DPP10: variants seen among roughly 807,000 people sequenced by gnomAD.
The protein encoded by DPP10 is dipeptidyl peptidase like 10, also known as inactive dipeptidyl peptidase 10.
A neutral mutation model predicts 120.9 loss-of-function variants in DPP10; 33 were observed. The ratio of observed to expected loss-of-function variants is 0.27; its 90% CI spans 0.21 to 0.37. The LOEUF is 0.37. Among genes scored for constraint, DPP10 ranks in the 10% least tolerant of loss-of-function variants. The pLI is 1.00. For missense variants in DPP10, 816 were observed against 942.8 expected (o/e 0.87, Z 1.76); for synonymous variants, 337 against 326.1 (o/e 1.03, Z -0.36).
chr2:115,158,120 A>G (rs776966246), intron 1 of DPP10, among the ~76,000 whole-genome samples: 4 of 152,204 alleles, frequency 2.6e-5, no homozygotes, highest in Admixed American at 6.5e-5. Flanking sequence ...GGTTGTTTTT[A>G]GAGTAAATTT....
chr2:115,453,942 A>G (rs945445556), intron 3 of DPP10, among the ~76,000 whole-genome samples: 34 of 151,438 alleles, frequency 2.2e-4, no homozygotes, highest in Non-Finnish European at 3.8e-4. Flanking sequence ...ACATTTTAAT[A>G]TATTATAAAA....
chr2:115,762,370 A>G lies in DPP10; in HGVS notation c.1075-202A>G, dbSNP rs10193602. Among the ~76,000 whole-genome samples the G allele has an allele frequency of 2.4e-3, 324 of 133,708 alleles. 1 individual carries two copies. The highest frequency in any genetic ancestry group is 7.4e-3 in the African/African-American group (301 of 40,878). The allele number at this position is 133,708 out of a possible 152,430, so 87.7% of individuals were successfully genotyped here. A position where few individuals can be genotyped will look rare whatever the true frequency, so the allele number is the denominator to read the frequency against. ...TCTGAAAGAATTCACCAAAGAAAAG[A>G]CTTTATAATTAAATTATCGTTTAGT... On this transcript the variant is annotated intron_variant, in intron 11 of 25. Transcript: ENST00000410059.
At chr2:115,399,966 G>T (rs752574237) in intron 3 of DPP10, among the ~76,000 whole-genome samples, 28 of 152,232 alleles carry the variant, frequency 1.8e-4, no homozygotes, top group South Asian at 1.2e-3. Flanking sequence ...TTCTGGGGAG[G>T]TCTCATGAAG....
intron 1 of DPP10, among the ~76,000 whole-genome samples, chr2:114,967,479 T>C (rs575629200): frequency 2.0e-5 from 3 of 152,128 alleles, no homozygotes; most frequent in East Asian, 3.9e-4. Context: ...GCATAGAGGG[T>C]TGGGCTTAGG....
chr2:115,369,440 G>A (rs1356724766), intron 3 of DPP10, among the ~76,000 whole-genome samples: 1 of 151,980 alleles, frequency 6.6e-6, no homozygotes, highest in African/African-American at 2.4e-5. Context: ...TTCCTTTGTA[G>A]TTATGATTAC....
At chr2:114,915,247 G>A (rs1574478372) in intron 1 of DPP10, among the ~76,000 whole-genome samples, 1 of 152,182 alleles carries the variant, frequency 6.6e-6, no homozygotes, top group Non-Finnish European at 1.5e-5. Context: ...AGCCAAAAAT[G>A]ATCAAAAAAG....
chr2:115,410,193 C>T (rs920373027), intron 3 of DPP10, among the ~76,000 whole-genome samples: 7 of 152,170 alleles, frequency 4.6e-5, no homozygotes, highest in Non-Finnish European at 1.0e-4. Flanking sequence ...ATGTTCATTG[C>T]AGCACTACTC....
intron 1 of DPP10, among the ~76,000 whole-genome samples, chr2:114,610,075 C>A (rs376189833): frequency 6.6e-6 from 1 of 152,154 alleles, no homozygotes; most frequent in Non-Finnish European, 1.5e-5. Context: ...CAGTATTTCA[C>A]GGGAACAACA....
chr2:115,384,523 G>T (rs12614733), intron 3 of DPP10, among the ~76,000 whole-genome samples: 1 of 136,208 alleles, frequency 7.3e-6, no homozygotes, highest in African/African-American at 2.8e-5. Context: ...AGGAAGAAGA[G>T]GAAGAAGAAG....
At chr2:115,818,672 A>T (rs1363123616) in intron 21 of DPP10, among the ~76,000 whole-genome samples, 2 of 152,224 alleles carry the variant, frequency 1.3e-5, no homozygotes, top group Non-Finnish European at 2.9e-5. Context: ...ATAGGCAATA[A>T]GAATGAGAGG....
At chr2:114,931,664 G>A (rs1007524927) in intron 1 of DPP10, among the ~76,000 whole-genome samples, 4 of 152,178 alleles carry the variant, frequency 2.6e-5, no homozygotes, top group Admixed American at 2.6e-4. Flanking sequence ...TATGATTGGA[G>A]TAGAATAATC....
intron 1 of DPP10, among the ~76,000 whole-genome samples, chr2:114,819,273 G>T (rs562250676): frequency 6.3e-4 from 95 of 150,606 alleles, no homozygotes; most frequent in South Asian, 1.0e-3. Context: ...TAGATGTCTC[G>T]TTAAAATTCA....
At chr2:115,540,517 G>C (rs1002933938) in intron 5 of DPP10, among the ~76,000 whole-genome samples, 2 of 151,824 alleles carry the variant, frequency 1.3e-5, no homozygotes, top group African/African-American at 4.8e-5. Context: ...CAAGAGACTT[G>C]TTTCAAAATA....
At chr2:115,570,564 C>T (rs995285004) in intron 5 of DPP10, among the ~76,000 whole-genome samples, 14 of 152,202 alleles carry the variant, frequency 9.2e-5, no homozygotes, top group Non-Finnish European at 2.1e-4. Context: ...ACTCACTCCT[C>T]CACCTGCCAT....
chr2:115,168,149 C>T (rs2053046065), intron 1 of DPP10, among the ~76,000 whole-genome samples: 1 of 152,014 alleles, frequency 6.6e-6, no homozygotes. Flanking sequence ...AAACATAAGT[C>T]AAAAGACTTT....
intron 1 of DPP10, among the ~76,000 whole-genome samples, chr2:114,649,366 T>G (rs2105474829): frequency 6.6e-6 from 1 of 151,908 alleles, no homozygotes; most frequent in African/African-American, 2.4e-5. Flanking sequence ...CTTTTTTTTT[T>G]GAGATGGAGT....
chr2:115,220,637 A>G (rs915980158), intron 1 of DPP10, among the ~76,000 whole-genome samples: 2 of 152,210 alleles, frequency 1.3e-5, no homozygotes, highest in Non-Finnish European at 2.9e-5. Flanking sequence ...TATTGTGTAG[A>G]TATAACCAGT....
chr2:115,157,795 ACACAG>A (rs2052022615), intron 1 of DPP10, among the ~76,000 whole-genome samples: 1 of 152,228 alleles, frequency 6.6e-6, no homozygotes, highest in African/African-American at 2.4e-5. Flanking sequence ...GTCTCTGAAG[ACACAG>A]CTCGTGAACT....
chr2:115,824,124 A>G (rs960945644), intron 21 of DPP10, among the ~76,000 whole-genome samples: 1 of 152,130 alleles, frequency 6.6e-6, no homozygotes, highest in Non-Finnish European at 1.5e-5. Context: ...ACACTCTGAG[A>G]TACATCATAC....
Sources: allele counts gnomAD v4.1 joint callset (sites outside exome capture counted in the v4.1 genomes callset), GRCh38; gene constraint gnomAD v4.1.1; transcripts MANE v1.5; gene names NCBI Gene and HGNC (gene_info 2026-07-23, HGNC 2026-07-21).